Variants in CFAP263 observed in about 807,000 individuals in gnomAD.
The protein encoded by CFAP263 is cilia- and flagella-associated protein 263.
At chr16:58,258,284 G>A in the CFAP263 span, 1 of 1,225,830 alleles carries the variant, frequency 8.2e-7, no homozygotes, top group Non-Finnish European at 1.2e-6. Context: ...GACACAAAGA[G>A]GCCTGGGAAC....
chr16:58,280,877 G>A, the CFAP263 span: 2 of 899,448 alleles, frequency 2.2e-6, no homozygotes, highest in East Asian at 5.2e-5. Context: ...CTGGAAATGG[G>A]GCAAATTATA....
At chr16:58,279,842 T>C in the CFAP263 span, 1 of 1,274,506 alleles carries the variant, frequency 7.8e-7, no homozygotes, top group African/African-American at 1.5e-5. Flanking sequence ...TCCTTTCTAG[T>C]CACGGGCTCC....
At chr16:58,250,149 T>G in the CFAP263 span, 3 of 1,363,872 alleles carry the variant, frequency 2.2e-6, no homozygotes, top group Admixed American at 6.0e-5. Context: ...CCGCCCCTCT[T>G]CCTCCTAGGC....
chr16:58,274,370 C>A, the CFAP263 span, among the ~76,000 whole-genome samples: 1 of 152,264 alleles, frequency 6.6e-6, no homozygotes, highest in Non-Finnish European at 1.5e-5. Flanking sequence ...CTCCCCATCT[C>A]TGTTCCAAAT....
At chr16:58,254,568 C>T in the CFAP263 span, among the ~76,000 whole-genome samples, 1 of 151,834 alleles carries the variant, frequency 6.6e-6, no homozygotes, top group Non-Finnish European at 1.5e-5. Context: ...GAAGATATAA[C>T]CATGATAACC....
chr16:58,271,353 CCA>C, the CFAP263 span, among the ~76,000 whole-genome samples: 2 of 152,000 alleles, frequency 1.3e-5, no homozygotes, highest in African/African-American at 4.8e-5. Flanking sequence ...TACCTCATAC[CCA>C]GTTTCCCTTA....
the CFAP263 span, chr16:58,250,033 G>A: frequency 6.9e-6 from 11 of 1,595,732 alleles, no homozygotes; most frequent in Middle Eastern, 1.7e-4. Context: ...TGATGAGTCC[G>A]AGAGCGTCCT....
the CFAP263 span, chr16:58,262,371 T>G: frequency 6.3e-7 from 1 of 1,592,864 alleles, no homozygotes. Flanking sequence ...TTCTTTCATC[T>G]TTCTGAGCTG....
chr16:58,271,834 T>G, the CFAP263 span, among the ~76,000 whole-genome samples: 1 of 152,170 alleles, frequency 6.6e-6, no homozygotes. Flanking sequence ...ACTGTGAAGT[T>G]ACTCTCCCTC....
At chr16:58,278,509 AAG>A in the CFAP263 span, 10 of 1,614,192 alleles carry the variant, frequency 6.2e-6, no homozygotes, top group Non-Finnish European at 8.5e-6. Context: ...GGCAGTGAAT[AAG>A]AGGCTCCGGA....
the CFAP263 span, among the ~76,000 whole-genome samples, chr16:58,269,406 GAAAGA>G: frequency 7.0e-4 from 106 of 150,988 alleles, no homozygotes; most frequent in Non-Finnish European, 1.3e-4. Flanking sequence ...GGAAAGAAAG[GAAAGA>G]AAGGAAGGGA....
At chr16:58,271,641 T>A in the CFAP263 span, among the ~76,000 whole-genome samples, 1 of 152,206 alleles carries the variant, frequency 6.6e-6, no homozygotes, top group South Asian at 2.1e-4. Flanking sequence ...AGAATGTTCC[T>A]CCACTGGATT....
At chr16:58,261,223 G>A in the CFAP263 span, among the ~76,000 whole-genome samples, 1 of 152,186 alleles carries the variant, frequency 6.6e-6, no homozygotes, top group Non-Finnish European at 1.5e-5. Flanking sequence ...AAGTGCTCAG[G>A]GCTGCAGCAG....
the CFAP263 span, among the ~76,000 whole-genome samples, chr16:58,262,060 C>T: frequency 1.2e-4 from 18 of 152,152 alleles, no homozygotes; most frequent in African/African-American, 4.3e-4. Flanking sequence ...CCTGGCCTGG[C>T]TTAGGGACTT....
chr16:58,253,991 G>A, the CFAP263 span: 1 of 1,614,104 alleles, frequency 6.2e-7, no homozygotes, highest in Non-Finnish European at 8.5e-7. Flanking sequence ...TTTCTCTTGG[G>A]TTGCAGTTTC....
At chr16:58,279,606 G>C in the CFAP263 span, 1 of 1,143,602 alleles carries the variant, frequency 8.7e-7, no homozygotes, top group Non-Finnish European at 1.2e-6. Flanking sequence ...TGCATTCTCA[G>C]TAGCCACAAT....
At chr16:58,262,747 TA>T in the CFAP263 span, among the ~76,000 whole-genome samples, 1 of 63,322 alleles carries the variant, frequency 1.6e-5, no homozygotes, top group Non-Finnish European at 3.5e-5. Context: ...CAAACAAACA[TA>T]TAGATAGATG....
At chr16:58,275,487 G>C in the CFAP263 span, among the ~76,000 whole-genome samples, 1 of 151,978 alleles carries the variant, frequency 6.6e-6, no homozygotes, top group Non-Finnish European at 1.5e-5. Context: ...AATTCCTTTG[G>C]GGGGTAAAAA....
At chr16:58,283,262 A>G in the CFAP263 span, 1 of 152,220 alleles carries the variant, frequency 6.6e-6, no homozygotes, top group Admixed American at 6.5e-5. Flanking sequence ...TCTGGACATG[A>G]GAACATATTT....
Sources: gnomAD v4.1 joint callset for allele counts (sites outside exome capture counted in the v4.1 genomes callset) on GRCh38, gnomAD v4.1.1 for gene constraint, MANE v1.5 for transcripts, NCBI Gene and HGNC (gene_info 2026-07-23, HGNC 2026-07-21) for gene names.